Variants in ARID1B observed in about 807,000 individuals in gnomAD.
The protein encoded by ARID1B is AT-rich interactive domain-containing protein 1B.
A neutral mutation model predicts 212.3 loss-of-function variants in ARID1B; 30 were observed. The observed-to-expected ratio is 0.14, with a 90% CI of 0.11 to 0.19. ARID1B has a LOEUF of 0.19. Among genes scored for constraint, ARID1B ranks in the 10% least tolerant of loss-of-function variants. The probability of loss-of-function intolerance (pLI) is 1.00; values close to 1 mark genes in which losing one functional copy is unlikely to be tolerated. For synonymous variants in ARID1B, 1,402 were observed against 1,301.7 expected (o/e 1.08, Z -1.66); for missense variants, 2,891 against 3,204.0 (o/e 0.90, Z 2.36).
Position 156,893,045 on chromosome 6 carries a change from C to CTTTTTTTTTTTTTT in ARID1B, c.1987-8329_1987-8316dup, listed in dbSNP as rs567719662. On this transcript the variant is annotated intron_variant, in intron 2 of 19. Coordinates refer to ENST00000636930, the MANE Select transcript of ARID1B (RefSeq NM_001374828.1). The stretch of plus-strand genomic sequence containing the variant: ...AACTCTTTTTTTTTCTTTTTTCTTC[C>CTTTTTTTTTTTTTT]TTTTTTTTTTTTTTTGAGATGGAGT... Among the ~76,000 whole-genome samples, 31 of 85,918 alleles carry CTTTTTTTTTTTTTT rather than the reference C, an allele frequency of 3.6e-4. 3 individuals carry two copies. Among genetic ancestry groups the CTTTTTTTTTTTTTT allele is most frequent in the African/African-American group, 1.3e-3 (28 of 21,320 alleles). 56.4% of individuals were successfully genotyped at this position (85,918 alleles called of 152,430 possible).
intron 2 of ARID1B, among the ~76,000 whole-genome samples, chr6:156,842,060 A>G (rs1044531015): frequency 2.0e-5 from 3 of 152,204 alleles, no homozygotes; most frequent in African/African-American, 7.2e-5. Context: ...GACCTTTAAC[A>G]ATTTGAAAAT....
At chr6:157,050,658 G>T (rs1782540112) in intron 4 of ARID1B, among the ~76,000 whole-genome samples, 1 of 152,122 alleles carries the variant, frequency 6.6e-6, no homozygotes, top group Non-Finnish European at 1.5e-5. Context: ...CTTCAATTTT[G>T]GTAGTAAATA....
In ARID1B at chr6:157,084,742, G is replaced by C. The variant is rs370910542; in HGVS notation, c.2328G>C (p.Thr776=). 6.2e-7 allele frequency: 1 copy of C among 1,614,110 alleles called. No homozygotes were observed. Among genetic ancestry groups the C allele is most frequent in the East Asian group, 2.2e-5 (1 of 44,862 alleles). Residue 776 remains threonine, a synonymous_variant, in exon 5 of 20, where the codon ACG becomes ACC. Transcript: ENST00000636930. ...LSSAVSASGS[T]SSQGDQSNPA... Reference sequence around the variant, plus strand: ...CAGCAGTCAGTGCATCCGGGTCCACGAGCAGCCAAGGGGATCAGAGCAACC... The same window carrying C: ...CAGCAGTCAGTGCATCCGGGTCCACCAGCAGCCAAGGGGATCAGAGCAACC...
chr6:157,042,507 TA>T (rs1469948620), intron 4 of ARID1B, among the ~76,000 whole-genome samples: 2 of 152,092 alleles, frequency 1.3e-5, no homozygotes, highest in African/African-American at 4.8e-5. Context: ...TATAAACTAT[TA>T]AAAATACATG....
intron 3 of ARID1B, among the ~76,000 whole-genome samples, chr6:156,916,616 T>C (rs79434480): frequency 0.031 from 4,787 of 152,242 alleles, 257 homozygotes; most frequent in African/African-American, 0.11. Context: ...TGTTTTGCTC[T>C]AACGTTTCTG....
intron 2 of ARID1B, among the ~76,000 whole-genome samples, chr6:156,878,567 C>T (rs1315971925): frequency 1.3e-5 from 2 of 152,222 alleles, no homozygotes; most frequent in Admixed American, 1.3e-4. Flanking sequence ...AAGACCAGGG[C>T]ATGTGCATCT....
At chr6:157,183,444 G>A (rs1792710876) in intron 12 of ARID1B, among the ~76,000 whole-genome samples, 1 of 152,178 alleles carries the variant, frequency 6.6e-6, no homozygotes, top group Non-Finnish European at 1.5e-5. Context: ...ACATCAAAAG[G>A]CAAAACCTTC....
intron 18 of ARID1B, among the ~76,000 whole-genome samples, chr6:157,202,207 A>C (rs992787284): frequency 6.6e-6 from 1 of 152,182 alleles, no homozygotes; most frequent in Non-Finnish European, 1.5e-5. Context: ...CCTCTGTGGG[A>C]TGTTCTGAAT....
At chr6:157,167,493 A>G (rs1791417175) in intron 9 of ARID1B, 2 of 208,564 alleles carry the variant, frequency 9.6e-6, no homozygotes, top group Admixed American at 1.2e-4. Context: ...TTAGTATTGG[A>G]AGATCCTCAA....
At chr6:156,959,238 C>T (rs756680018) in intron 4 of ARID1B, among the ~76,000 whole-genome samples, 1 of 152,058 alleles carries the variant, frequency 6.6e-6, no homozygotes, top group Admixed American at 6.5e-5. Context: ...GGTTCTAGGA[C>T]CCCCACGAGT....
chr6:157,011,798 A>T (rs553351143), intron 4 of ARID1B, among the ~76,000 whole-genome samples: 3 of 152,360 alleles, frequency 2.0e-5, no homozygotes, highest in African/African-American at 7.2e-5. Flanking sequence ...ATACCTGTGT[A>T]GCATTTTTCA....
intron 4 of ARID1B, among the ~76,000 whole-genome samples, chr6:156,962,974 G>A (rs1216833317): frequency 6.6e-6 from 1 of 151,990 alleles, no homozygotes; most frequent in Non-Finnish European, 1.5e-5. Context: ...GTAGAGACGG[G>A]GTTTCACCAT....
rs2128339686 is a variant in ARID1B at position 157,190,093 on chromosome 6, C to T, written c.4114C>T (p.Pro1372Ser). 1 of 1,614,190 alleles carries T rather than the reference C, an allele frequency of 6.2e-7. No individual in the cohort carries two copies. The highest frequency in any genetic ancestry group is 1.6e-4 in the Middle Eastern group (1 of 6,062). ...CTCAGATGTGAGTGATTCATCCTTCCCGAAACGGAACTCCATGACTCCAAA... is the reference window on the plus strand; with the variant it reads ...CTCAGATGTGAGTGATTCATCCTTCTCGAAACGGAACTCCATGACTCCAAA... ...PFSDVSDSSF[P>S]KRNSMTPNAP... Residue 1372 changes from proline (P) to serine (S), a missense_variant, in exon 15 of 20, where the codon CCG becomes TCG. By Grantham distance (74) the Pro-to-Ser change is moderately conservative. Around this residue, in one of 7 missense-constraint regions of ARID1B, gnomAD observed 666 missense variants for 873.5 expected, o/e 0.76. Coordinates refer to ENST00000636930, the MANE Select transcript of ARID1B (RefSeq NM_001374828.1). The surrounding 1 kb of genome is among the most constrained non-coding windows in gnomAD (Gnocchi z 4.6).
intron 2 of ARID1B, among the ~76,000 whole-genome samples, chr6:156,847,633 G>GAT (rs1417498954): frequency 6.6e-6 from 1 of 152,074 alleles, no homozygotes; most frequent in Non-Finnish European, 1.5e-5. Context: ...TGAGGATGAA[G>GAT]ATGATCCTAG....
intron 4 of ARID1B, among the ~76,000 whole-genome samples, chr6:157,028,198 G>A (rs1047297468): frequency 1.3e-5 from 2 of 152,062 alleles, no homozygotes; most frequent in Non-Finnish European, 2.9e-5. Flanking sequence ...CTCACTTTTT[G>A]TAAAGTTTAT....
intron 2 of ARID1B, among the ~76,000 whole-genome samples, chr6:156,897,200 G>T (rs1457167331): frequency 8.4e-5 from 6 of 71,842 alleles, no homozygotes; most frequent in African/African-American, 3.3e-4. Context: ...TACTGCTGCT[G>T]CTGCTGCTGC....
In ARID1B at chr6:157,167,127, G is replaced by A. The variant is rs2128290772; in HGVS notation, c.3177G>A (p.Leu1059=). The change falls in exon 9 of 20, where the codon CTG becomes CTA. Residue 1059 remains leucine, a synonymous_variant. Coordinates refer to ENST00000636930, the MANE Select transcript of ARID1B (RefSeq NM_001374828.1). The stretch of plus-strand genomic sequence containing the variant: ...AGCCCATGAACAACAGCTCTAGCCT[G>A]ATGAACACGCAGGCGCCGCCCTACA... ...YSQPMNNSSS[L]MNTQAPPYSM... The A allele has an allele frequency of 6.2e-7, 1 of 1,611,984 alleles. No homozygotes were observed. The highest frequency in any genetic ancestry group is 8.5e-7 in the Non-Finnish European group (1 of 1,180,012).
intron 3 of ARID1B, among the ~76,000 whole-genome samples, chr6:156,924,685 A>G (rs576079838): frequency 6.6e-6 from 1 of 152,348 alleles, no homozygotes; most frequent in African/African-American, 2.4e-5. Flanking sequence ...AACCGTGGGT[A>G]AGGGTGGTGG....
At chr6:157,049,059 A>T (rs1782419996) in intron 4 of ARID1B, among the ~76,000 whole-genome samples, 1 of 151,948 alleles carries the variant, frequency 6.6e-6, no homozygotes, top group Non-Finnish European at 1.5e-5. Flanking sequence ...CTGTCATCCC[A>T]GCTACTCAGG....
Sources: allele counts gnomAD v4.1 joint callset (sites outside exome capture counted in the v4.1 genomes callset), GRCh38; gene constraint gnomAD v4.1.1; regional missense constraint gnomAD v4.1.1; non-coding constraint Gnocchi (gnomAD v3.1); transcripts MANE v1.5; gene names NCBI Gene and HGNC (gene_info 2026-07-23, HGNC 2026-07-21).